The following PLPPR5 variants were observed in gnomAD, a reference collection of about 807,000 sequenced individuals.
The protein encoded by PLPPR5 is phospholipid phosphatase related 5, also known as phospholipid phosphatase-related protein type 5.
A neutral mutation model predicts 33.9 loss-of-function variants in PLPPR5; 16 were observed. The observed-to-expected ratio is 0.47, with a 90% CI of 0.32 to 0.72. The LOEUF (loss-of-function observed/expected upper bound fraction) is 0.72, where lower values mean the gene tolerates loss of function less well. Ranked by LOEUF, PLPPR5 falls within the 30% of genes least tolerant of loss-of-function variation. The probability of loss-of-function intolerance (pLI) is 0.03; values close to 1 mark genes in which losing one functional copy is unlikely to be tolerated. For synonymous variants in PLPPR5, 163 were observed against 150.3 expected, an observed-to-expected ratio of 1.08 and a Z score of -0.62; for missense variants, 301 against 406.7, an observed-to-expected ratio of 0.74 and a Z score of 2.23.
chr1:98,953,144 G>C lies in PLPPR5; in HGVS notation c.547C>G (p.Leu183Val), dbSNP rs1650851002. The C allele has an allele frequency of 3.1e-6, 5 of 1,614,114 alleles. No individual in the cohort carries two copies. Among genetic ancestry groups the C allele is most frequent in the Non-Finnish European group, 4.2e-6 (5 of 1,180,002 alleles). The change falls in exon 3 of 6, where the codon CTC becomes GTC. Residue 183 changes from leucine to valine, a missense_variant. Leu to Val is a conservative substitution (Grantham distance 32, BLOSUM62 1). Coordinates refer to ENST00000263177, the MANE Select transcript of PLPPR5 (RefSeq NM_001037317.2). Reference sequence around the variant, plus strand: ...AAGGTTTTTCGGGCTCTCATGATGAGATCTGGGTTGCCAGTACAGGCCTCT... The same window carrying C: ...AAGGTTTTTCGGGCTCTCATGATGACATCTGGGTTGCCAGTACAGGCCTCT... ...GEEACTGNPD[L>V]IMRARKTFPS...
At chr1:99,002,145 A>C (rs1297596769) in intron 1 of PLPPR5, among the ~76,000 whole-genome samples, 1 of 152,096 alleles carries the variant, frequency 6.6e-6, no homozygotes, top group Non-Finnish European at 1.5e-5. Context: ...CCAGCTCCTC[A>C]CATGGTGACA....
intron 3 of PLPPR5, among the ~76,000 whole-genome samples, chr1:98,933,438 G>T (rs56394601): frequency 6.1e-5 from 9 of 147,284 alleles, no homozygotes; most frequent in African/African-American, 2.3e-4. Flanking sequence ...AGTTGAGATC[G>T]TGCCACTGCA....
At chr1:98,956,486 GAAACAT>G in intron 2 of PLPPR5, 117 bp downstream of exon 2, 1 of 959,618 alleles carries the variant, frequency 1.0e-6, no homozygotes, top group Non-Finnish European at 1.5e-6. Context: ...AAAGCAAATT[GAAACAT>G]TTCAAAGAAA....
intron 1 of PLPPR5, among the ~76,000 whole-genome samples, chr1:98,957,764 C>T (rs1651068219): frequency 2.0e-5 from 3 of 152,230 alleles, no homozygotes; most frequent in Admixed American, 1.3e-4. Context: ...GGAATAGCAT[C>T]CTACCCTTTT....
rs1020633825 is a variant in PLPPR5, at chr1:98,919,839, A to C, written c.798+2043T>G. On this transcript the variant is annotated intron_variant, in intron 4 of 5. Transcript: ENST00000263177. ...TTTATGGAACTTTTTCCAGTCATTCATGTCACAAATTCGCTGAACATGCAC... is the reference window on the plus strand; with the variant it reads ...TTTATGGAACTTTTTCCAGTCATTCCTGTCACAAATTCGCTGAACATGCAC... Among the ~76,000 whole-genome samples the C allele has an allele frequency of 3.3e-5, 5 of 152,196 alleles. No homozygotes were observed. The East Asian group carries it at 9.6e-4, about 29-fold the overall frequency.
rs58092144 is a variant in PLPPR5 at position 98,893,618 on chromosome 1, C to CTTTTTTTTTTTT, written c.934-526_934-515dup. Among the ~76,000 whole-genome samples, 13 of 90,098 alleles carry CTTTTTTTTTTTT rather than the reference C, an allele frequency of 1.4e-4. 1 individual carries two copies. The highest frequency in any genetic ancestry group is 5.3e-4 in the African/African-American group (13 of 24,544). 59.1% of individuals were successfully genotyped at this position (90,098 alleles called of 152,430 possible). ...TCTACCACAGAATTCTTCACAGCGC[C>CTTTTTTTTTTTT]TTTTTTTTTTTTTTTTTTTTTTGGG... On this transcript the variant is annotated intron_variant, in intron 5 of 5. Transcript: ENST00000263177.
chr1:98,976,695 G>A lies in PLPPR5; in HGVS notation c.238-19954C>T, dbSNP rs180991451. On this transcript the variant is annotated intron_variant, in intron 1 of 5. Transcript: ENST00000263177. ...GATTTCGAAGACTTAGTACAAAAAC[G>A]ATAACTTATTAATAAAAATAAAAAA... is the stretch of plus-strand genomic sequence containing the variant. Among the ~76,000 whole-genome samples the A allele has an allele frequency of 2.8e-4, 43 of 152,048 alleles. 1 individual carries two copies. Among genetic ancestry groups the A allele is most frequent in the Non-Finnish European group, 4.1e-4 (28 of 67,946 alleles).
At chr1:98,910,393 TC>T (rs1247576008) in intron 5 of PLPPR5, among the ~76,000 whole-genome samples, 1 of 152,328 alleles carries the variant, frequency 6.6e-6, no homozygotes, top group Non-Finnish European at 1.5e-5. Context: ...TTGACAGGCC[TC>T]TTGGAAATGA....
In PLPPR5 at chr1:98,898,689, T is replaced by C. The variant is rs1337861776; in HGVS notation, c.934-5585A>G. 4.6e-5 allele frequency among the ~76,000 whole-genome samples: 7 copies of C among 152,254 alleles called. No homozygotes were observed. In the East Asian group the frequency reaches 1.4e-3, roughly 29 times the overall value. ...AGCAATTTCTTGTTGTTTTAAGAAG[T>C]TGGAGACATAAAAGCTATCATGTGA... On this transcript the variant is annotated intron_variant, in intron 5 of 5. Coordinates refer to ENST00000263177, the MANE Select transcript of PLPPR5 (RefSeq NM_001037317.2).
chr1:98,988,138 A>G (rs145516602), intron 1 of PLPPR5, among the ~76,000 whole-genome samples: 146 of 152,214 alleles, frequency 9.6e-4, no homozygotes, highest in African/African-American at 3.4e-3. Flanking sequence ...ATGAATCTGT[A>G]TGTACTGCAG....
At chr1:98,945,666 A>C (rs954058566) in intron 3 of PLPPR5, among the ~76,000 whole-genome samples, 2 of 152,184 alleles carry the variant, frequency 1.3e-5, no homozygotes, top group African/African-American at 4.8e-5. Flanking sequence ...CATTTCAGCC[A>C]CTCTAAAGAA....
intron 2 of PLPPR5, among the ~76,000 whole-genome samples, chr1:98,955,051 A>G (rs1650951335): frequency 6.6e-6 from 1 of 152,084 alleles, no homozygotes; most frequent in African/African-American, 2.4e-5. Context: ...GAGATCCTGT[A>G]AGTGTATCTA....
intron 3 of PLPPR5, among the ~76,000 whole-genome samples, chr1:98,924,058 T>G (rs1482555768): frequency 6.6e-6 from 1 of 152,238 alleles, no homozygotes; most frequent in Non-Finnish European, 1.5e-5. Context: ...ACTCAAGATA[T>G]TCTGTCCTCA....
intron 2 of PLPPR5, 56 bp downstream of exon 2, chr1:98,956,553 A>T (rs1238707564): frequency 1.1e-4 from 166 of 1,458,722 alleles, no homozygotes; most frequent in Middle Eastern, 1.7e-4. Flanking sequence ...TTTAAGGTTT[A>T]GCTTACACAT....
intron 1 of PLPPR5, among the ~76,000 whole-genome samples, chr1:98,983,187 C>T (rs1474401726): frequency 1.3e-5 from 2 of 150,612 alleles, no homozygotes; most frequent in Admixed American, 6.6e-5. Context: ...GCTGCACCCA[C>T]TAACTCGTCA....
intron 1 of PLPPR5, among the ~76,000 whole-genome samples, chr1:98,986,672 C>A (rs1056628865): frequency 2.6e-5 from 4 of 151,736 alleles, no homozygotes; most frequent in Non-Finnish European, 3.0e-5. Context: ...GAAGACGAAT[C>A]TTGTGAAAAG....
Position 99,004,234 on chromosome 1 carries a change from G to A in PLPPR5, c.237+201C>T, listed in dbSNP as rs1381120104. ...AAGCCACCGCGGGGTGTGGGGGGGT[G>A]ACGTGTGGGAAGAGCTGGGGGCTTC... On this transcript the variant is annotated intron_variant, in intron 1 of 5. Transcript: ENST00000263177. The A allele has an allele frequency of 7.1e-6, 4 of 562,360 alleles. No individual in the cohort carries two copies. In the African/African-American group the frequency reaches 7.7e-5, roughly 11 times the overall value. The allele number at this position is 562,360 out of a possible 1,614,324, so 34.8% of individuals were successfully genotyped here.
At chr1:98,973,053 C>T (rs1651712174) in intron 1 of PLPPR5, among the ~76,000 whole-genome samples, 1 of 151,974 alleles carries the variant, frequency 6.6e-6, no homozygotes, top group African/African-American at 2.4e-5. Flanking sequence ...AGAAGAGACA[C>T]CTGGATCTTT....
At chr1:98,973,594 A>C (rs551121247) in intron 1 of PLPPR5, among the ~76,000 whole-genome samples, 1 of 152,120 alleles carries the variant, frequency 6.6e-6, no homozygotes. Context: ...TTGAATGTGA[A>C]ATGGGAGGAT....
Sources: allele counts gnomAD v4.1 joint callset (sites outside exome capture counted in the v4.1 genomes callset), GRCh38; gene constraint gnomAD v4.1.1; transcripts MANE v1.5; gene names NCBI Gene and HGNC (gene_info 2026-07-23, HGNC 2026-07-21).